COMMD10: variants seen among roughly 807,000 people sequenced by gnomAD.
COMMD10 encodes COMM domain containing 10, also known as COMM domain-containing protein 10.
COMMD10 carries 33 observed loss-of-function variants against 28.9 expected under a neutral mutation model. That is an observed-to-expected ratio of 1.14 (90% CI 0.87 to 1.53). The LOEUF is 1.53. COMMD10 is among the 40% of genes most tolerant of loss of function. The pLI is 0.00. For missense variants in COMMD10, 310 were observed against 233.4 expected (o/e 1.33, Z -2.14); for synonymous variants, 110 against 81.7 (o/e 1.35, Z -1.87).
At chr5:116,187,494 TA>T (rs201990230) in intron 5 of COMMD10, among the ~76,000 whole-genome samples, 8 of 151,526 alleles carry the variant, frequency 5.3e-5, no homozygotes, top group Admixed American at 1.3e-4. Context: ...GATATTGATG[TA>T]AAAAAAAATT....
At chr5:116,118,744 A>G (rs1751325643) in intron 4 of COMMD10, among the ~76,000 whole-genome samples, 1 of 113,090 alleles carries the variant, frequency 8.8e-6, no homozygotes, top group Non-Finnish European at 2.3e-5. Context: ...ACAGATGGAA[A>G]TTCTCCAGGA....
chr5:116,202,800 G>A (rs184701764), intron 5 of COMMD10, among the ~76,000 whole-genome samples: 1 of 151,420 alleles, frequency 6.6e-6, no homozygotes, highest in East Asian at 1.9e-4. Context: ...TTTGTCAGAT[G>A]AGTAGGTTGC....
At chr5:116,277,733 T>A (rs965541769) in intron 5 of COMMD10, among the ~76,000 whole-genome samples, 9 of 151,904 alleles carry the variant, frequency 5.9e-5, no homozygotes, top group African/African-American at 2.2e-4. Flanking sequence ...ATTAACCTCA[T>A]TTAGGTGCAC....
chr5:116,090,947 A>G (rs986128772), intron 2 of COMMD10, 132 bp from the exon 3 acceptor site: 10 of 556,990 alleles, frequency 1.8e-5, no homozygotes, highest in East Asian at 1.8e-4. Context: ...TTACATGCAC[A>G]TCAGTTTCTT....
At chr5:116,131,640 TG>T (rs1481730838) in intron 4 of COMMD10, among the ~76,000 whole-genome samples, 30 of 152,060 alleles carry the variant, frequency 2.0e-4, no homozygotes, top group Non-Finnish European at 2.9e-4. Flanking sequence ...CAGAGGCTGT[TG>T]TAGGTCACAA....
chr5:116,134,047 A>G (rs755665179), intron 4 of COMMD10, 21 bp from the exon 5 acceptor site: 19 of 1,358,606 alleles, frequency 1.4e-5, no homozygotes, highest in Middle Eastern at 1.8e-4. Context: ...TCTGATTCCA[A>G]TCTGCACCTG....
At chr5:116,102,653 G>A (rs192192395) in intron 4 of COMMD10, among the ~76,000 whole-genome samples, 41 of 152,202 alleles carry the variant, frequency 2.7e-4, no homozygotes, top group Admixed American at 1.0e-3. Context: ...GGGCAGTATA[G>A]TCATTTTAAT....
rs182339779 is a variant in COMMD10, at chr5:116,237,320, A to G, written c.511-54197A>G. Among the ~76,000 whole-genome samples, 11 of 152,298 alleles carry G rather than the reference A, an allele frequency of 7.2e-5. No individual in the cohort carries two copies. In the East Asian group the frequency reaches 2.1e-3, roughly 29 times the overall value. Reference sequence around the variant, plus strand: ...TAGTGTAAAGATTTCTTAGTGTGACAGAGATGGGAAGTGTTTACAGAGTAG... The same window carrying G: ...TAGTGTAAAGATTTCTTAGTGTGACGGAGATGGGAAGTGTTTACAGAGTAG... On this transcript the variant is annotated intron_variant, in intron 5 of 6. Transcript: ENST00000274458.
At chr5:116,107,246 C>T (rs143652272) in intron 4 of COMMD10, among the ~76,000 whole-genome samples, 1 of 152,082 alleles carries the variant, frequency 6.6e-6, no homozygotes, top group African/African-American at 2.4e-5. Context: ...TGGGGAAGTT[C>T]TCCTGGATAA....
At chr5:116,257,147 T>A (rs1418094601) in intron 5 of COMMD10, among the ~76,000 whole-genome samples, 1 of 151,678 alleles carries the variant, frequency 6.6e-6, no homozygotes, top group Middle Eastern at 3.2e-3. Flanking sequence ...GAGGAGACCT[T>A]CTGAATAAAC....
chr5:116,293,121 T>A lies in COMMD10; in HGVS notation c.*632T>A, dbSNP rs1751416408. 1 of 395,956 alleles carries A rather than the reference T, an allele frequency of 2.5e-6. No homozygotes were observed. Among genetic ancestry groups the A allele is most frequent in the Non-Finnish European group, 4.5e-6 (1 of 224,242 alleles). 24.5% of individuals were successfully genotyped at this position (395,956 alleles called of 1,614,324 possible). On this transcript the variant is annotated 3_prime_UTR_variant, in exon 7 of 7. Transcript: ENST00000274458. Reference sequence around the variant, plus strand: ...GGTTTTTGTGTGTTTTTCTTTATACTGCAAATTAATAATGATTCACTTTAT... The same window carrying A: ...GGTTTTTGTGTGTTTTTCTTTATACAGCAAATTAATAATGATTCACTTTAT...
chr5:116,206,523 A>G (rs1405017980), intron 5 of COMMD10, among the ~76,000 whole-genome samples: 1 of 152,074 alleles, frequency 6.6e-6, no homozygotes, highest in Non-Finnish European at 1.5e-5. Flanking sequence ...GTGGTGGTGC[A>G]CGCCTGTAAT....
At chr5:116,177,749 T>C (rs72804864) in intron 5 of COMMD10, among the ~76,000 whole-genome samples, 8,242 of 152,252 alleles carry the variant, frequency 0.054, 312 homozygotes, top group East Asian at 0.15. Flanking sequence ...TTAAAACTTA[T>C]ATGCTACCTT....
chr5:116,111,502 TCTC>T (rs1466670359), intron 4 of COMMD10, among the ~76,000 whole-genome samples: 1 of 125,160 alleles, frequency 8.0e-6, no homozygotes, highest in Non-Finnish European at 1.9e-5. Context: ...ATTTTTTAAT[TCTC>T]CTTAATTTTT....
chr5:116,163,415 C>A (rs1752984140), intron 5 of COMMD10, among the ~76,000 whole-genome samples: 2 of 132,084 alleles, frequency 1.5e-5, no homozygotes, highest in African/African-American at 7.0e-5. Flanking sequence ...TGAAACCCCA[C>A]CTCTACTTAA....
At chr5:116,270,575 G>A (rs1750727266) in intron 5 of COMMD10, among the ~76,000 whole-genome samples, 1 of 151,846 alleles carries the variant, frequency 6.6e-6, no homozygotes, top group South Asian at 2.1e-4. Flanking sequence ...AGATTAGGTA[G>A]TGGCATGGGG....
At chr5:116,279,436 A>G (rs1751009684) in intron 5 of COMMD10, among the ~76,000 whole-genome samples, 1 of 151,710 alleles carries the variant, frequency 6.6e-6, no homozygotes, top group South Asian at 2.1e-4. Context: ...ACTTTTATCA[A>G]ACTTTGATGT....
intron 5 of COMMD10, among the ~76,000 whole-genome samples, chr5:116,258,589 A>T (rs1343539441): frequency 6.6e-6 from 1 of 151,718 alleles, no homozygotes; most frequent in African/African-American, 2.4e-5. Flanking sequence ...ATAGAGTCCT[A>T]TGTTTAAGTC....
At chr5:116,265,748 C>T (rs920687260) in intron 5 of COMMD10, among the ~76,000 whole-genome samples, 1 of 151,598 alleles carries the variant, frequency 6.6e-6, no homozygotes, top group African/African-American at 2.4e-5. Context: ...ACAAATGAAG[C>T]AGATGAGCCA....
Sources: allele counts gnomAD v4.1 joint callset (sites outside exome capture counted in the v4.1 genomes callset), GRCh38; gene constraint gnomAD v4.1.1; transcripts MANE v1.5; gene names NCBI Gene and HGNC (gene_info 2026-07-23, HGNC 2026-07-21).